Variants in FRMPD4 observed in about 807,000 individuals in gnomAD.
FRMPD4 encodes FERM and PDZ domain containing 4.
Under a neutral mutation model 94.1 loss-of-function variants are expected in FRMPD4, and 22 were observed. That is an observed-to-expected ratio of 0.23 (90% CI 0.17 to 0.33). FRMPD4 has a LOEUF of 0.33. FRMPD4 is among the 10% of genes least tolerant of loss of function. The pLI, the probability that FRMPD4 is intolerant of heterozygous loss-of-function variation, is 1.00. For synonymous variants in FRMPD4, 631 were observed against 548.6 expected, an observed-to-expected ratio of 1.15 and a Z score of -2.10; for missense variants, 1,111 against 1,339.9, an observed-to-expected ratio of 0.83 and a Z score of 2.67.
chrX:11,898,972 C>A (rs2053919237), intron 3 of FRMPD4, among the ~76,000 whole-genome samples: 1 of 112,427 alleles, frequency 8.9e-6, no homozygotes, highest in Non-Finnish European at 1.9e-5. Flanking sequence ...ACTCTCCACC[C>A]TGCAGTGAAC....
At chrX:11,842,702 A>G in intron 1 of FRMPD4, among the ~76,000 whole-genome samples, 1 of 89,974 alleles carries the variant, frequency 1.1e-5, no homozygotes, top group African/African-American at 4.6e-5. Context: ...AAACAGGGAC[A>G]ATTTGACTTC....
At chrX:11,930,416 CAT>C (rs769804553) in intron 3 of FRMPD4, among the ~76,000 whole-genome samples, 2 of 110,896 alleles carry the variant, frequency 1.8e-5, no homozygotes, top group Non-Finnish European at 3.8e-5. Flanking sequence ...AATCCAGTGA[CAT>C]GTGCCCTTAT....
In FRMPD4 at chrX:12,026,789, G is replaced by GA. The variant is rs769008827; in HGVS notation, c.95+148780dup. On this transcript the variant is annotated intron_variant, in intron 3 of 18. Coordinates refer to the FRMPD4 transcript ENST00000640291. ...CAAGATTGCATTATACCTAAGGAGG[G>GA]AAAAAAAAACATTAATTCGTATTTT... Among the ~76,000 whole-genome samples, 33 of 109,163 alleles carry GA rather than the reference G, an allele frequency of 3.0e-4. 2 individuals are homozygous for GA. The highest frequency in any genetic ancestry group is 1.7e-3 in the Admixed American group (18 of 10,326). The allele number at this position is 109,163 out of a possible 115,157, so 94.8% of individuals were successfully genotyped here. A position where few individuals can be genotyped will look rare whatever the true frequency, so the allele number is the denominator to read the frequency against.
chrX:12,217,338 C>T (rs2056818814), intron 1 of FRMPD4, among the ~76,000 whole-genome samples: 2 of 111,567 alleles, frequency 1.8e-5, no homozygotes, highest in African/African-American at 6.5e-5. Context: ...CATGATTTGT[C>T]TTCAATCCAA....
chrX:12,027,335 T>G (rs2054666682), intron 3 of FRMPD4, among the ~76,000 whole-genome samples: 1 of 112,315 alleles, frequency 8.9e-6, no homozygotes, highest in African/African-American at 3.2e-5. Context: ...TCCAATGTAT[T>G]CTTTATCTAT....
intron 3 of FRMPD4, among the ~76,000 whole-genome samples, chrX:12,023,056 T>C (rs1201967236): frequency 9.0e-6 from 1 of 111,724 alleles, no homozygotes; most frequent in East Asian, 2.8e-4. Flanking sequence ...ATTGTGTCCT[T>C]TGTCAGGTGA....
chrX:12,325,759 C>G (rs1444310236), intron 1 of FRMPD4, among the ~76,000 whole-genome samples: 2 of 112,167 alleles, frequency 1.8e-5, no homozygotes, highest in African/African-American at 6.5e-5. Context: ...CTCAGACATA[C>G]TGAAGTAGAA....
intron 1 of FRMPD4, among the ~76,000 whole-genome samples, chrX:12,254,609 G>A (rs1288900685): frequency 8.9e-6 from 1 of 112,097 alleles, no homozygotes; most frequent in African/African-American, 3.2e-5. Flanking sequence ...TCACTAGACT[G>A]TCTCCTTGTC....
intron 1 of FRMPD4, among the ~76,000 whole-genome samples, chrX:12,463,250 C>G (rs1385087625): frequency 9.0e-6 from 1 of 111,260 alleles, no homozygotes; most frequent in Non-Finnish European, 1.9e-5. Context: ...GGGCGCCCCC[C>G]ACTGTCACTG....
intron 1 of FRMPD4, among the ~76,000 whole-genome samples, chrX:12,479,498 A>ATT (rs1289940319): frequency 3.9e-5 from 4 of 101,658 alleles, no homozygotes; most frequent in African/African-American, 1.4e-4. Context: ...ATACGTATAT[A>ATT]TTATATATAT....
At chrX:12,136,799 C>T (rs916898289), upstream of FRMPD4, among the ~76,000 whole-genome samples, 71 of 108,964 alleles carry the variant, frequency 6.5e-4, no homozygotes, top group African/African-American at 2.3e-3. Context: ...GTCCTGTTGG[C>T]CCTTGCAGGA....
At chrX:12,206,209 T>C (rs2056690642) in intron 1 of FRMPD4, among the ~76,000 whole-genome samples, 1 of 112,302 alleles carries the variant, frequency 8.9e-6, no homozygotes, top group Non-Finnish European at 1.9e-5. Flanking sequence ...CTAAATTGAA[T>C]TAAATTCAGT....
chrX:12,593,304 G>T (rs1245144520), intron 2 of FRMPD4, among the ~76,000 whole-genome samples: 1 of 111,702 alleles, frequency 9.0e-6, no homozygotes, highest in Non-Finnish European at 1.9e-5. Flanking sequence ...GGGTCTCCAG[G>T]TCCCACAGTC....
At chrX:12,192,647 A>G (rs1692730034) in intron 1 of FRMPD4, among the ~76,000 whole-genome samples, 1 of 111,556 alleles carries the variant, frequency 9.0e-6, no homozygotes, top group Non-Finnish European at 1.9e-5. Flanking sequence ...AGTGTTTCCA[A>G]ATTTAACTAA....
At chrX:12,132,572 C>T (rs190750603) in intron 3 of FRMPD4, among the ~76,000 whole-genome samples, 199 of 111,555 alleles carry the variant, frequency 1.8e-3, no homozygotes, top group African/African-American at 2.0e-3. Flanking sequence ...GCCATCTCAA[C>T]GATTCAAGGT....
At chrX:12,171,583 G>A (rs1335450056) in intron 1 of FRMPD4, among the ~76,000 whole-genome samples, 1 of 111,391 alleles carries the variant, frequency 9.0e-6, no homozygotes, top group Non-Finnish European at 1.9e-5. Context: ...AGATACTGGA[G>A]ATAAAAGCCA....
intron 1 of FRMPD4, among the ~76,000 whole-genome samples, chrX:11,858,789 A>G (rs1302802938): frequency 2.7e-5 from 3 of 111,862 alleles, no homozygotes; most frequent in African/African-American, 6.5e-5. Flanking sequence ...TTAAAACTTA[A>G]AAGAATGCTT....
chrX:12,079,307 C>T (rs1332336213), intron 3 of FRMPD4, among the ~76,000 whole-genome samples: 1 of 109,903 alleles, frequency 9.1e-6, no homozygotes, highest in African/African-American at 3.3e-5. Context: ...CCCCTCCCCC[C>T]ACACCAACAA....
intron 1 of FRMPD4, among the ~76,000 whole-genome samples, chrX:12,246,453 A>G (rs1035867834): frequency 9.0e-6 from 1 of 111,641 alleles, no homozygotes; most frequent in South Asian, 3.8e-4. Flanking sequence ...TCGATAGTCC[A>G]GGGTACAGTG....
Sources: gnomAD v4.1 joint callset for allele counts (sites outside exome capture counted in the v4.1 genomes callset) on GRCh38, gnomAD v4.1.1 for gene constraint, MANE v1.5 for transcripts, NCBI Gene and HGNC (gene_info 2026-07-23, HGNC 2026-07-21) for gene names.